The following ZNF521 variants were observed in gnomAD, a reference collection of about 807,000 sequenced individuals.
The protein encoded by ZNF521 is LYST-interacting protein 3.
ZNF521 carries 14 observed loss-of-function variants against 105.5 expected under a neutral mutation model. The ratio of observed to expected loss-of-function variants is 0.13; its 90% confidence interval spans 0.09 to 0.21. The LOEUF is 0.21. Ranked by LOEUF, ZNF521 falls within the 10% of genes least tolerant of loss-of-function variation. The probability of loss-of-function intolerance (pLI) is 1.00; values close to 1 mark genes in which losing one functional copy is unlikely to be tolerated. For synonymous variants in ZNF521, 635 were observed against 606.0 expected, an observed-to-expected ratio of 1.05 and a Z score of -0.70; for missense variants, 1,233 against 1,629.7, an observed-to-expected ratio of 0.76 and a Z score of 4.19.
At chr18:25,232,646 T>C (rs965044044) in intron 3 of ZNF521, among the ~76,000 whole-genome samples, 7 of 152,210 alleles carry the variant, frequency 4.6e-5, no homozygotes, top group Admixed American at 2.0e-4. Flanking sequence ...TTATCAAACA[T>C]GGGATATAAT....
chr18:25,226,023 C>A lies in ZNF521; in HGVS notation c.1895G>T (p.Gly632Val), dbSNP rs2144735699. The A allele has an allele frequency of 6.2e-7, 1 of 1,614,200 alleles. No individual in the cohort carries two copies. The highest frequency in any genetic ancestry group is 8.5e-7 in the Non-Finnish European group (1 of 1,180,034). The change falls in exon 4 of 8, where the codon GGA becomes GTA. Residue 632 changes from glycine to valine, a missense_variant. Gly to Val is a moderately radical substitution (Grantham distance 109). Coordinates refer to ENST00000361524, the MANE Select transcript of ZNF521 (RefSeq NM_015461.3). The surrounding 1 kb of genome is among the most constrained non-coding windows in gnomAD (Gnocchi z 4.1). ...AVGGAPARPT[G>V]EYICNQCGAK... ...ACCACATTGATTACAGATATATTCTCCAGTGGGACGTGCAGGTGCACCTCC... is the reference window on the plus strand; with the variant it reads ...ACCACATTGATTACAGATATATTCTACAGTGGGACGTGCAGGTGCACCTCC...
intron 5 of ZNF521, among the ~76,000 whole-genome samples, chr18:25,164,908 C>T (rs540810451): frequency 1.3e-5 from 2 of 152,318 alleles, no homozygotes; most frequent in Non-Finnish European, 2.9e-5. Context: ...TCTGCCCCTC[C>T]AGAATACAGA....
intron 3 of ZNF521, among the ~76,000 whole-genome samples, chr18:25,233,308 G>A (rs1906658271): frequency 6.6e-6 from 1 of 151,592 alleles, no homozygotes; most frequent in African/African-American, 2.4e-5. Flanking sequence ...TTTTAGAAAA[G>A]CTGTAACTTT....
intron 3 of ZNF521, among the ~76,000 whole-genome samples, chr18:25,228,378 A>G (rs1906312627): frequency 6.6e-6 from 1 of 152,270 alleles, no homozygotes; most frequent in Admixed American, 6.5e-5. Flanking sequence ...TTCGAATTCC[A>G]TAGGCCAGAA....
chr18:25,214,397 G>A (rs978071033), intron 4 of ZNF521, among the ~76,000 whole-genome samples: 4 of 151,944 alleles, frequency 2.6e-5, no homozygotes, highest in African/African-American at 9.7e-5. Context: ...TGTAAATTCT[G>A]TCAGTCTTTT....
intron 4 of ZNF521, among the ~76,000 whole-genome samples, chr18:25,219,174 C>T (rs1215540528): frequency 6.6e-6 from 1 of 152,066 alleles, no homozygotes; most frequent in Non-Finnish European, 1.5e-5. Flanking sequence ...TTTATGTTAT[C>T]GATAAGTAGG....
chr18:25,344,649 C>T (rs1328776747), intron 2 of ZNF521, among the ~76,000 whole-genome samples: 4 of 152,192 alleles, frequency 2.6e-5, no homozygotes, highest in Non-Finnish European at 5.9e-5. Context: ...ACAGGTTTGA[C>T]GTGGAATATC....
At chr18:25,142,259 T>A (rs2034863592) in intron 5 of ZNF521, among the ~76,000 whole-genome samples, 1 of 152,128 alleles carries the variant, frequency 6.6e-6, no homozygotes, top group Admixed American at 6.6e-5. Flanking sequence ...CTCTCATCCA[T>A]CTCTGGCTAC....
intron 3 of ZNF521, among the ~76,000 whole-genome samples, chr18:25,240,001 T>G (rs978841725): frequency 2.0e-5 from 3 of 152,012 alleles, no homozygotes; most frequent in Admixed American, 6.6e-5. Flanking sequence ...CACACACATC[T>G]CTTCAGGCTG....
At position 25,193,305 on chromosome 18, in the gene ZNF521, CAA is replaced by C. The variant is rs1321959297; in HGVS notation, c.3658+1853_3658+1854del. On this transcript the variant is annotated intron_variant, in intron 5 of 7. Transcript: ENST00000361524. ...ACATTCAATTGAAATTCTAAATGTGCAAAAGAGTATTAACATTGTGGTGAAAA... is the reference window on the plus strand; with the variant it reads ...ACATTCAATTGAAATTCTAAATGTGCAAGAGTATTAACATTGTGGTGAAAA... 9.9e-5 allele frequency among the ~76,000 whole-genome samples: 15 copies of C among 152,090 alleles called. No individual in the cohort carries two copies. The South Asian group carries it at 2.3e-3, about 23-fold the overall frequency.
chr18:25,082,467 G>T, intron 7 of ZNF521: 1 of 409,120 alleles, frequency 2.4e-6, no homozygotes, highest in Non-Finnish European at 4.8e-6. Flanking sequence ...CAACCCAGGG[G>T]TCCCAGCAGA....
At chr18:25,288,426 C>T (rs1910824938) in intron 3 of ZNF521, among the ~76,000 whole-genome samples, 1 of 152,104 alleles carries the variant, frequency 6.6e-6, no homozygotes. Context: ...CACCTTTACC[C>T]TCAACTCTTT....
At chr18:25,094,583 T>C (rs2033813851) in intron 5 of ZNF521, among the ~76,000 whole-genome samples, 1 of 150,776 alleles carries the variant, frequency 6.6e-6, no homozygotes, top group Admixed American at 6.6e-5. Context: ...CGTTATAATG[T>C]TAAAAAAAAA....
intron 5 of ZNF521, among the ~76,000 whole-genome samples, chr18:25,116,747 A>G (rs1600053491): frequency 6.6e-6 from 1 of 151,730 alleles, no homozygotes; most frequent in East Asian, 1.9e-4. Context: ...TTTTATACGC[A>G]TGTGGATGTC....
intron 5 of ZNF521, among the ~76,000 whole-genome samples, chr18:25,164,530 G>A (rs1335406638): frequency 6.6e-6 from 1 of 152,214 alleles, no homozygotes; most frequent in African/African-American, 2.4e-5. Flanking sequence ...AGTCCTGTGT[G>A]TTACTATCAG....
intron 3 of ZNF521, among the ~76,000 whole-genome samples, chr18:25,283,252 T>C (rs1274787368): frequency 6.6e-6 from 1 of 152,208 alleles, no homozygotes. Flanking sequence ...AAGGAAGAAT[T>C]TCACCTCAGT....
chr18:25,120,693 C>T (rs1269653337), intron 5 of ZNF521, among the ~76,000 whole-genome samples: 1 of 151,566 alleles, frequency 6.6e-6, no homozygotes, highest in Non-Finnish European at 1.5e-5. Flanking sequence ...CTAAAAGGGA[C>T]ATTGATAGAT....
chr18:25,271,126 A>G (rs964200791), intron 3 of ZNF521, among the ~76,000 whole-genome samples: 2 of 152,208 alleles, frequency 1.3e-5, no homozygotes, highest in African/African-American at 4.8e-5. Flanking sequence ...ATACACCAAT[A>G]ACAGACAAAC....
At chr18:25,079,578 AC>A (rs2033442662) in intron 7 of ZNF521, among the ~76,000 whole-genome samples, 1 of 149,446 alleles carries the variant, frequency 6.7e-6, no homozygotes, top group African/African-American at 2.5e-5. Context: ...CTATACTAAC[AC>A]CAAGAGATCT....
Sources: allele counts gnomAD v4.1 joint callset (sites outside exome capture counted in the v4.1 genomes callset), GRCh38; gene constraint gnomAD v4.1.1; non-coding constraint Gnocchi (gnomAD v3.1); transcripts MANE v1.5; gene names NCBI Gene and HGNC (gene_info 2026-07-23, HGNC 2026-07-21).